The following ATG16L1 variants were observed in gnomAD, a reference collection of about 807,000 sequenced individuals.
The protein encoded by ATG16L1 is autophagy-related protein 16-1.
Under a neutral mutation model 88.5 loss-of-function variants are expected in ATG16L1, and 37 were observed. The observed-to-expected ratio is 0.42, with a 90% CI of 0.32 to 0.55. The LOEUF (loss-of-function observed/expected upper bound fraction) is 0.55. ATG16L1 is among the 20% of genes least tolerant of loss of function. The probability of loss-of-function intolerance (pLI) is 0.13; values close to 1 mark genes in which losing one functional copy is unlikely to be tolerated. For missense variants in ATG16L1, 554 were observed against 752.8 expected (o/e 0.74, Z 3.09); for synonymous variants, 301 against 281.0 (o/e 1.07, Z -0.71).
At chr2:233,261,164 C>G (rs1697183541) in intron 2 of ATG16L1, among the ~76,000 whole-genome samples, 1 of 152,092 alleles carries the variant, frequency 6.6e-6, no homozygotes, top group African/African-American at 2.4e-5. Context: ...ACCGTGTTAG[C>G]CAGGATGATC....
At chr2:233,257,033 G>A (rs1048258356) in intron 2 of ATG16L1, among the ~76,000 whole-genome samples, 2 of 151,096 alleles carry the variant, frequency 1.3e-5, no homozygotes, top group African/African-American at 4.9e-5. Flanking sequence ...GTTTTGTTTT[G>A]TTTTGTTTTG....
At position 233,269,993 on chromosome 2, in the gene ATG16L1, T is replaced by TC. The variant is rs1266725881; in HGVS notation, c.642-6dup. The stretch of plus-strand genomic sequence containing the variant: ...AAATGGTGGGCTTTTTTTTTTTTTT[T>TC]CCCAACAGGAGGCGGCAAGCCCGGC... On this transcript the variant is annotated splice_polypyrimidine_tract_variant and intron_variant, in intron 5 of 17. Coordinates refer to ENST00000392017, the MANE Select transcript of ATG16L1 (RefSeq NM_030803.7). The TC allele has an allele frequency of 6.4e-6, 10 of 1,560,214 alleles. No individual in the cohort carries two copies. The highest frequency in any genetic ancestry group is 6.9e-6 in the Non-Finnish European group (8 of 1,160,632).
chr2:233,273,308 G>A (rs139910670), intron 7 of ATG16L1: 2 of 518,858 alleles, frequency 3.9e-6, no homozygotes, highest in African/African-American at 1.9e-5. Flanking sequence ...AATATGGACA[G>A]TGAAACCTTA....
intron 16 of ATG16L1, among the ~76,000 whole-genome samples, chr2:233,292,891 T>A (rs1269492389): frequency 6.6e-6 from 1 of 152,212 alleles, no homozygotes; most frequent in African/African-American, 2.4e-5. Context: ...GTTGCTAAGA[T>A]GTTTCTTTTC....
In ATG16L1 at chr2:233,292,145, G is replaced by A. The variant is rs1388588234; in HGVS notation, c.1448G>A (p.Arg483Gln). The change falls in exon 15 of 18, where the codon CGA becomes CAA. Residue 483 changes from arginine to glutamine, a missense_variant. Transcript: ENST00000392017. ...CCTCTTAGATCAGAGAGCATAGTTCGAGAGATGGAGCTGTTGGGAAAGATT... is the reference window on the plus strand; with the variant it reads ...CCTCTTAGATCAGAGAGCATAGTTCAAGAGATGGAGCTGTTGGGAAAGATT... ...FWDIRSESIV[R>Q]EMELLGKITA... 5.6e-6 allele frequency: 9 copies of A among 1,614,180 alleles called. No individual in the cohort carries two copies. The highest frequency in any genetic ancestry group is 1.1e-5 in the South Asian group (1 of 91,086).
chr2:233,262,641 G>C (rs1251843178), intron 2 of ATG16L1, among the ~76,000 whole-genome samples: 5 of 152,186 alleles, frequency 3.3e-5, no homozygotes, highest in Non-Finnish European at 5.9e-5. Context: ...CTCTAGTCAT[G>C]TGTCACGTAG....
At chr2:233,265,393 T>A (rs887490860) in intron 5 of ATG16L1, among the ~76,000 whole-genome samples, 9 of 152,242 alleles carry the variant, frequency 5.9e-5, no homozygotes, top group African/African-American at 2.2e-4. Context: ...AATTCTGATC[T>A]TGCTAATGCA....
At position 233,267,015 on chromosome 2, in the gene ATG16L1, G is replaced by A. The variant is rs538387016; in HGVS notation, c.641+1872G>A. Among the ~76,000 whole-genome samples, 4 of 152,228 alleles carry A rather than the reference G, an allele frequency of 2.6e-5. No homozygotes were observed. In the South Asian group the frequency reaches 8.3e-4, roughly 32 times the overall value. ...GAGGTTAAAGAGAGATTACTTAATG[G>A]ATACAAAAATACTGTAAATGGATAT... On this transcript the variant is annotated intron_variant, in intron 5 of 17. Transcript: ENST00000392017.
intron 12 of ATG16L1, among the ~76,000 whole-genome samples, chr2:233,285,823 T>A (rs1699036863): frequency 6.6e-6 from 1 of 152,176 alleles, no homozygotes; most frequent in African/African-American, 2.4e-5. Context: ...CCCTGTTCGG[T>A]GTCTCCTTTG....
At chr2:233,278,944 G>A (rs1337385806) in intron 10 of ATG16L1, among the ~76,000 whole-genome samples, 1 of 152,182 alleles carries the variant, frequency 6.6e-6, no homozygotes, top group Non-Finnish European at 1.5e-5. Context: ...TGAGGCTGGG[G>A]CAAGAGGATT....
intron 2 of ATG16L1, among the ~76,000 whole-genome samples, chr2:233,258,967 T>G (rs1334505397): frequency 6.6e-6 from 1 of 152,208 alleles, no homozygotes; most frequent in Non-Finnish European, 1.5e-5. Context: ...CCATTAGTGT[T>G]GGGTTTACAG....
At chr2:233,287,652 C>T (rs375443932) in intron 12 of ATG16L1, among the ~76,000 whole-genome samples, 2 of 152,152 alleles carry the variant, frequency 1.3e-5, no homozygotes, top group African/African-American at 4.8e-5. Context: ...CCGAGGCAGG[C>T]GGATCACTTG....
rs56993445 is a variant in ATG16L1, at chr2:233,289,377, ATGTG to A, written c.1204-448_1204-445del. ...ATTGTTGCTTCTTGTCCTGTTTGGG[ATGTG>A]TGTGTGTGTGTGTGTGTGTGTGTGT... On this transcript the variant is annotated intron_variant, in intron 12 of 17. Transcript: ENST00000392017. Among the ~76,000 whole-genome samples the A allele has an allele frequency of 5.0e-4, 65 of 129,034 alleles. 1 individual carries two copies. The highest frequency in any genetic ancestry group is 7.7e-4 in the Admixed American group (10 of 12,998). 84.7% of individuals were successfully genotyped at this position (129,034 alleles called of 152,430 possible).
intron 17 of ATG16L1, 60 bp from the exon 18 acceptor site, chr2:233,294,197 T>TA: frequency 7.3e-7 from 1 of 1,370,372 alleles, no homozygotes; most frequent in African/African-American, 1.5e-5. Context: ...GTGTTTGGTT[T>TA]ACCAAGATCT....
At chr2:233,286,654 C>G (rs1463180028) in intron 12 of ATG16L1, among the ~76,000 whole-genome samples, 1 of 106,386 alleles carries the variant, frequency 9.4e-6, no homozygotes, top group Admixed American at 1.1e-4. Flanking sequence ...GAGACAGTGT[C>G]TCGCTCAGTC....
intron 2 of ATG16L1, among the ~76,000 whole-genome samples, chr2:233,258,763 C>G (rs766108392): frequency 1.6e-4 from 24 of 152,162 alleles, no homozygotes; most frequent in Non-Finnish European, 2.9e-4. Flanking sequence ...GTGGCATGAT[C>G]ATGGCTTACT....
At chr2:233,253,316 T>TTAA (rs1696517690) in intron 1 of ATG16L1, among the ~76,000 whole-genome samples, 3 of 150,032 alleles carry the variant, frequency 2.0e-5, no homozygotes, top group Non-Finnish European at 4.4e-5. Context: ...GCACAGCAGG[T>TTAA]TAATGGTGAG....
chr2:233,284,703 C>T (rs1174382696), intron 12 of ATG16L1, among the ~76,000 whole-genome samples: 1 of 152,066 alleles, frequency 6.6e-6, no homozygotes, highest in Non-Finnish European at 1.5e-5. Context: ...CTCCTGACCT[C>T]AAGTGATCCG....
At position 233,259,315 on chromosome 2, in the gene ATG16L1, G is replaced by A. The variant is rs147006101; in HGVS notation, c.209+3120G>A. ...ACACATGCAGAAAATGGTGGCGTCA[G>A]CACCATCTGAGGGAGGAGTGTTTTG... On this transcript the variant is annotated intron_variant, in intron 2 of 17. Transcript: ENST00000392017. Among the ~76,000 whole-genome samples, 28 of 152,256 alleles carry A rather than the reference G, an allele frequency of 1.8e-4. No individual in the cohort carries two copies. The East Asian group carries it at 3.9e-3, about 21-fold the overall frequency.
Sources: allele counts gnomAD v4.1 joint callset (sites outside exome capture counted in the v4.1 genomes callset), GRCh38; gene constraint gnomAD v4.1.1; transcripts MANE v1.5; gene names NCBI Gene and HGNC (gene_info 2026-07-23, HGNC 2026-07-21).